The following FLRT2 variants were observed in gnomAD, a reference collection of about 807,000 sequenced individuals.
FLRT2 encodes leucine-rich repeat transmembrane protein FLRT2.
In FLRT2, 15 loss-of-function variants were observed where a neutral mutation model predicts 40.0. The ratio of observed to expected loss-of-function variants is 0.38; its 90% CI spans 0.25 to 0.58. The LOEUF (loss-of-function observed/expected upper bound fraction) is 0.58. Among genes scored for constraint, FLRT2 ranks in the 20% least tolerant of loss-of-function variants. The pLI is 0.71. For missense variants in FLRT2, 726 were observed against 840.0 expected, an observed-to-expected ratio of 0.86 and a Z score of 1.68; for synonymous variants, 380 against 336.8, an observed-to-expected ratio of 1.13 and a Z score of -1.41.
At chr14:85,583,968 A>G in intron 1 of FLRT2, among the ~76,000 whole-genome samples, 1 of 151,878 alleles carries the variant, frequency 6.6e-6, no homozygotes. Context: ...CTTTAAAAAA[A>G]AAAAAAAAAG....
In FLRT2 at chr14:85,633,037, TG is replaced by T; in HGVS notation, c.*9541del. On this transcript the variant is annotated 3_prime_UTR_variant, in exon 2 of 2. Transcript: ENST00000330753. ...AAGCACCATGTATTTTTCATGCAGA[TG>T]TAATTCACAAGCACATGGTGACAAA... 6.6e-6 allele frequency: 1 copy of T among 152,352 alleles called. No homozygotes were observed. 9.4% of individuals were successfully genotyped at this position (152,352 alleles called of 1,614,324 possible).
chr14:85,549,316 A>G (rs893999409), intron 1 of FLRT2, among the ~76,000 whole-genome samples: 5 of 152,076 alleles, frequency 3.3e-5, no homozygotes, highest in Admixed American at 3.3e-4. Flanking sequence ...GCTTGTGGGC[A>G]ACTCCTAGAT....
chr14:85,624,842 A>G lies in FLRT2; in HGVS notation c.*1345A>G. ...ACATCAAAGCTGGCCAAAATAATGA[A>G]TTTTTTTTAAAAAGCAATACCTGGT... On this transcript the variant is annotated 3_prime_UTR_variant, in exon 2 of 2. Transcript: ENST00000330753. The G allele has an allele frequency of 6.0e-6, 1 of 166,982 alleles. No individual in the cohort carries two copies. Among genetic ancestry groups the G allele is most frequent in the East Asian group, 1.9e-4 (1 of 5,198 alleles). 10.3% of individuals were successfully genotyped at this position (166,982 alleles called of 1,614,324 possible). A position where few individuals can be genotyped will look rare whatever the true frequency, so the allele number is the denominator to read the frequency against.
intron 1 of FLRT2, among the ~76,000 whole-genome samples, chr14:85,618,900 A>G (rs1893257409): frequency 6.6e-6 from 1 of 152,124 alleles, no homozygotes; most frequent in African/African-American, 2.4e-5. Context: ...GGGAACATTA[A>G]GATGGTTTGA....
intron 1 of FLRT2, among the ~76,000 whole-genome samples, chr14:85,618,743 A>G (rs1472016574): frequency 6.6e-6 from 1 of 152,228 alleles, no homozygotes; most frequent in Non-Finnish European, 1.5e-5. Context: ...ATGATTAAAT[A>G]AGATGTTCAT....
intron 1 of FLRT2, among the ~76,000 whole-genome samples, chr14:85,595,694 G>C (rs938046438): frequency 6.6e-6 from 1 of 152,018 alleles, no homozygotes; most frequent in Non-Finnish European, 1.5e-5. Flanking sequence ...ATGTTCAAAG[G>C]GCATCGATAG....
Position 85,622,850 on chromosome 14 carries a change from A to G in FLRT2, c.1336A>G (p.Thr446Ala), listed in dbSNP as rs202107579. 8.6e-5 allele frequency: 139 copies of G among 1,614,066 alleles called. 2 individuals carry two copies. The South Asian group carries it at 1.4e-3, about 16-fold the overall frequency. The change falls in exon 2 of 2, where the codon ACC becomes GCC. Residue 446 changes from threonine to alanine, a missense_variant. Coordinates refer to ENST00000330753, the MANE Select transcript of FLRT2 (RefSeq NM_013231.6). ...TCAAGTCAGCTGGCTCTCTCTCTTC[A>G]CCGTGATGGCATACAAACTCACATG... ...SIQVSWLSLFTVMAYKLTWVK... is the reference protein window; with the variant it reads ...SIQVSWLSLFAVMAYKLTWVK...
rs368984616 is a variant in FLRT2, at chr14:85,614,570, C to T, written c.-376-6569C>T. ...CCTGAAAGCAATTCCTGATAGGGAG[C>T]GGCTGGGTGGTCAAACGTTAGTGAC... On this transcript the variant is annotated intron_variant, in intron 1 of 1. Coordinates refer to ENST00000330753, the MANE Select transcript of FLRT2 (RefSeq NM_013231.6). 1.1e-3 allele frequency among the ~76,000 whole-genome samples: 168 copies of T among 152,252 alleles called. 1 individual carries two copies. Among genetic ancestry groups the T allele is most frequent in the African/African-American group, 3.7e-3 (155 of 41,546 alleles).
At chr14:85,568,686 C>T (rs1890747201) in intron 1 of FLRT2, among the ~76,000 whole-genome samples, 1 of 152,082 alleles carries the variant, frequency 6.6e-6, no homozygotes, top group Admixed American at 6.5e-5. Flanking sequence ...ACTCTTCGCC[C>T]CACAATTAAT....
chr14:85,610,394 C>T (rs563694795), intron 1 of FLRT2, among the ~76,000 whole-genome samples: 1 of 152,148 alleles, frequency 6.6e-6, no homozygotes, highest in Non-Finnish European at 1.5e-5. Flanking sequence ...TCTTTCAGCT[C>T]TTTATTGGCT....
chr14:85,614,937 T>G (rs142694760), intron 1 of FLRT2, among the ~76,000 whole-genome samples: 1 of 152,230 alleles, frequency 6.6e-6, no homozygotes, highest in African/African-American at 2.4e-5. Context: ...AGAAGATACA[T>G]CTGTTATGGA....
In FLRT2 at chr14:85,627,784, C is replaced by T. The variant is rs1000837310; in HGVS notation, c.*4287C>T. 1.2e-5 allele frequency: 2 copies of T among 167,086 alleles called. No individual in the cohort carries two copies. Among genetic ancestry groups the T allele is most frequent in the African/African-American group, 4.8e-5 (2 of 41,444 alleles). 10.4% of individuals were successfully genotyped at this position (167,086 alleles called of 1,614,324 possible). ...TTCTGGTTTCTGTTTAGTGTGTTCT[C>T]TCTGATAAGGGGCTGAAAGATTCTG... On this transcript the variant is annotated 3_prime_UTR_variant, in exon 2 of 2. Coordinates refer to ENST00000330753, the MANE Select transcript of FLRT2 (RefSeq NM_013231.6).
At chr14:85,595,967 C>G (rs1250623414) in intron 1 of FLRT2, among the ~76,000 whole-genome samples, 2 of 152,110 alleles carry the variant, frequency 1.3e-5, no homozygotes, top group African/African-American at 4.8e-5. Flanking sequence ...CTGTACAAGT[C>G]CCCTGGGGCA....
At chr14:85,591,671 T>C (rs2139317276) in intron 1 of FLRT2, among the ~76,000 whole-genome samples, 1 of 152,286 alleles carries the variant, frequency 6.6e-6, no homozygotes, top group South Asian at 2.1e-4. Flanking sequence ...TGACTGGGAA[T>C]CCCATCACCT....
intron 1 of FLRT2, among the ~76,000 whole-genome samples, chr14:85,620,838 G>A (rs1403978014): frequency 6.6e-6 from 1 of 152,094 alleles, no homozygotes; most frequent in Non-Finnish European, 1.5e-5. Context: ...TTAAGTGTTT[G>A]GATATGCAAA....
intron 1 of FLRT2, among the ~76,000 whole-genome samples, chr14:85,548,282 ACT>A (rs1356691565): frequency 6.6e-6 from 1 of 152,192 alleles, no homozygotes; most frequent in African/African-American, 2.4e-5. Context: ...TGCACAAATA[ACT>A]CTGATATATA....
chr14:85,625,342 T>C lies in FLRT2; in HGVS notation c.*1845T>C, dbSNP rs45443995. On this transcript the variant is annotated 3_prime_UTR_variant, in exon 2 of 2. Coordinates refer to ENST00000330753, the MANE Select transcript of FLRT2 (RefSeq NM_013231.6). Reference sequence around the variant, plus strand: ...CAGCAAAATAAAACTGTGATGTGTCTTCTTTGTAAAAGTTTAGGTATAAAA... The same window carrying C: ...CAGCAAAATAAAACTGTGATGTGTCCTCTTTGTAAAAGTTTAGGTATAAAA... 522 of 167,198 alleles carry C rather than the reference T, an allele frequency of 3.1e-3. 1 individual carries two copies. The highest frequency in any genetic ancestry group is 5.4e-3 in the Non-Finnish European group (366 of 68,126). 10.4% of individuals were successfully genotyped at this position (167,198 alleles called of 1,614,324 possible).
At chr14:85,585,780 A>G (rs989389391) in intron 1 of FLRT2, among the ~76,000 whole-genome samples, 1 of 152,142 alleles carries the variant, frequency 6.6e-6, no homozygotes, top group South Asian at 2.1e-4. Flanking sequence ...TAAAGCTACA[A>G]GGGCCCTTGC....
intron 1 of FLRT2, among the ~76,000 whole-genome samples, chr14:85,555,820 A>G (rs927044996): frequency 7.9e-5 from 12 of 151,926 alleles, no homozygotes; most frequent in African/African-American, 2.4e-4. Context: ...CCTCCCAAGT[A>G]GTTGGGATTA....
Sources: gnomAD v4.1 joint callset for allele counts (sites outside exome capture counted in the v4.1 genomes callset) on GRCh38, gnomAD v4.1.1 for gene constraint, MANE v1.5 for transcripts, NCBI Gene and HGNC (gene_info 2026-07-23, HGNC 2026-07-21) for gene names.